The following SZT2 variants were observed in gnomAD, a reference collection of about 807,000 sequenced individuals.
The protein encoded by SZT2 is KICSTOR complex protein SZT2.
A neutral mutation model predicts 404.2 loss-of-function variants in SZT2; 216 were observed. The ratio of observed to expected loss-of-function variants is 0.53; its 90% CI spans 0.48 to 0.60. SZT2 has a LOEUF of 0.60. Ranked by LOEUF, SZT2 falls within the 20% of genes least tolerant of loss-of-function variation. SZT2 has a pLI of 0.00. For synonymous variants in SZT2, 1,693 were observed against 1,749.9 expected (o/e 0.97, Z 0.81); for missense variants, 3,857 against 4,459.2 (o/e 0.86, Z 3.85).
In SZT2 at chr1:43,424,857, AT is replaced by A; in HGVS notation, c.2547del (p.Gln850ArgfsTer81). 3 of 1,613,980 alleles carry A rather than the reference AT, an allele frequency of 1.9e-6. No individual in the cohort carries two copies. Among genetic ancestry groups the A allele is most frequent in the Non-Finnish European group, 1.7e-6 (2 of 1,179,892 alleles). The part of the protein sequence containing the change: ...GIINMVLELP[I>X]QNEPPGQAAA... ...CATCAACATGGTTCTGGAGCTTCCA[AT>A]TCAGGTACGTGCCATCCCCCATGAC... On this transcript the variant is annotated frameshift_variant, in exon 17 of 72. Coordinates refer to ENST00000634258, the MANE Select transcript of SZT2 (RefSeq NM_001365999.1). LOFTEE classifies it high-confidence loss of function. The surrounding 1 kb of genome is among the most constrained non-coding windows in gnomAD (Gnocchi z 4.1).
chr1:43,425,092 G>A lies in SZT2; in HGVS notation c.2551-21G>A. 6.2e-7 allele frequency: 1 copy of A among 1,613,952 alleles called. No homozygotes were observed. Among genetic ancestry groups the A allele is most frequent in the Non-Finnish European group, 8.5e-7 (1 of 1,179,826 alleles). The stretch of plus-strand genomic sequence containing the variant: ...TCTGCCTTGGCTGGGATTTGCCCAA[G>A]ATCTCCCATTTTGCCCACAGAATGA... On this transcript the variant is annotated intron_variant, in intron 17 of 71. Transcript: ENST00000634258. This position sits in a 1 kb window ranked among gnomAD's most constrained non-coding sequence, Gnocchi z 4.3.
chr1:43,425,880 G>C lies in SZT2; in HGVS notation c.2860G>C (p.Glu954Gln). The stretch of plus-strand genomic sequence containing the variant: ...CTGCATAGGCTCCATGCTGAGCTTT[G>C]AATACCTGATACAGCTGTGTCAGAG... Reference protein sequence around the residue: ...AACIGSMLSFEYLIQLCQSKE... With the variant: ...AACIGSMLSFQYLIQLCQSKE... The change falls in exon 20 of 72, where the codon GAA becomes CAA. Residue 954 changes from glutamate to glutamine, a missense_variant. By Grantham distance (29) the Glu-to-Gln change is conservative. Transcript: ENST00000634258. The surrounding 1 kb of genome is among the most constrained non-coding windows in gnomAD (Gnocchi z 4.3). 6.2e-7 allele frequency: 1 copy of C among 1,614,102 alleles called. No homozygotes were observed. Among genetic ancestry groups the C allele is most frequent in the East Asian group, 2.2e-5 (1 of 44,872 alleles).
Position 43,431,557 on chromosome 1 carries a change from C to T in SZT2, c.5088+34C>T, listed in dbSNP as rs758658737. The T allele has an allele frequency of 3.1e-6, 5 of 1,613,184 alleles. No individual in the cohort carries two copies. The South Asian group carries it at 3.3e-5, about 11-fold the overall frequency. ...CCCACCCCCAACACTGTAACTGATT[C>T]CCTTTCCATCGTATGAGTGAGATAA... On this transcript the variant is annotated intron_variant, in intron 35 of 71. Coordinates refer to ENST00000634258, the MANE Select transcript of SZT2 (RefSeq NM_001365999.1).
rs969584373 is a variant in SZT2 at position 43,452,921 on chromosome 1, G to T, written c.*2441G>T. 3 of 1,606,034 alleles carry T rather than the reference G, an allele frequency of 1.9e-6. No homozygotes were observed. The highest frequency in any genetic ancestry group is 2.7e-5 in the African/African-American group (2 of 74,764). On this transcript the variant is annotated 3_prime_UTR_variant, in exon 72 of 72. Coordinates refer to ENST00000634258, the MANE Select transcript of SZT2 (RefSeq NM_001365999.1). The stretch of plus-strand genomic sequence containing the variant: ...TACATACATGTCCAGCCTCAGGAAC[G>T]CTGCCAAATACACCAGGCCTCCTCT...
intron 14 of SZT2, 68 bp downstream of exon 14, chr1:43,422,951 C>G: frequency 6.6e-7 from 1 of 1,503,918 alleles, no homozygotes; most frequent in South Asian, 1.2e-5. Context: ...TCTCCCCAAA[C>G]CCCACAGGGC....
At chr1:43,411,795 T>G (rs1025795412) in intron 4 of SZT2, among the ~76,000 whole-genome samples, 1 of 146,626 alleles carries the variant, frequency 6.8e-6, no homozygotes, top group Non-Finnish European at 1.5e-5. Flanking sequence ...TTTTTTTTTT[T>G]TGAGACAGAG....
chr1:43,441,038 G>T lies in SZT2; in HGVS notation c.7345-176G>T, dbSNP rs567459382. Among the ~76,000 whole-genome samples the T allele has an allele frequency of 6.6e-6, 1 of 152,318 alleles. No individual in the cohort carries two copies. Among genetic ancestry groups the T allele is most frequent in the South Asian group, 2.1e-4 (1 of 4,826 alleles). On this transcript the variant is annotated intron_variant, in intron 52 of 71. Transcript: ENST00000634258. This position sits in a 1 kb window ranked among gnomAD's most constrained non-coding sequence, Gnocchi z 4.8. ...TAAGTAGAGCTTTTACAGTGAGGAAGGTGAGGCTCAGGAAAGTTAGGTAAC... is the reference window on the plus strand; with the variant it reads ...TAAGTAGAGCTTTTACAGTGAGGAATGTGAGGCTCAGGAAAGTTAGGTAAC...
chr1:43,423,854 T>TA (rs1328687943), intron 15 of SZT2, among the ~76,000 whole-genome samples: 27 of 82,982 alleles, frequency 3.3e-4, no homozygotes, highest in Middle Eastern at 0.013. Context: ...TATGAGTAGG[T>TA]CAGAGGTGTG....
At position 43,443,789 on chromosome 1, in the gene SZT2, G is replaced by T. The variant is rs199778444; in HGVS notation, c.8818G>T (p.Ala2940Ser). The change falls in exon 62 of 72, where the codon GCC becomes TCC. Residue 2940 changes from alanine (A) to serine (S), a missense_variant. By Grantham distance (99) the Ala-to-Ser change is moderately conservative. Transcript: ENST00000634258. ...VLVPLRPPSP[A>S]RSTSRPRAMA... ...GGTACCACTGCGGCCCCCCTCACCC[G>T]CCCGCAGGTGAGCCCGTCCCTGTTT... 6.2e-7 allele frequency: 1 copy of T among 1,613,208 alleles called. No individual in the cohort carries two copies. Among genetic ancestry groups the T allele is most frequent in the African/African-American group, 1.3e-5 (1 of 74,878 alleles).
At position 43,437,867 on chromosome 1, in the gene SZT2, A is replaced by G; in HGVS notation, c.6473A>G (p.His2158Arg). 1 of 1,614,150 alleles carries G rather than the reference A, an allele frequency of 6.2e-7. No homozygotes were observed. Among genetic ancestry groups the G allele is most frequent in the Non-Finnish European group, 8.5e-7 (1 of 1,180,018 alleles). Residue 2158 changes from histidine to arginine, a missense_variant, in exon 46 of 72, where the codon CAT becomes CGT. His to Arg is a conservative substitution (Grantham distance 29, BLOSUM62 0). Transcript: ENST00000634258. This position sits in a 1 kb window ranked among gnomAD's most constrained non-coding sequence, Gnocchi z 5.3. ...CGTCCTGTGGGCCAAGTGGACAGAC[A>G]TATCCAGCTGCTGGTCCATGGTGTT... ...AARPVGQVDR[H>R]IQLLVHGVGQ...
rs899169890 is a variant in SZT2 at position 43,422,066 on chromosome 1, G to A, written c.1627-17G>A. On this transcript the variant is annotated splice_polypyrimidine_tract_variant and intron_variant, in intron 11 of 71. Coordinates refer to ENST00000634258, the MANE Select transcript of SZT2 (RefSeq NM_001365999.1). Reference sequence around the variant, plus strand: ...CCTCTGCAAATGCTCCTATAGTGCTGTCCTTCCTGTCCTCAGGTGCTCTCC... The same window carrying A: ...CCTCTGCAAATGCTCCTATAGTGCTATCCTTCCTGTCCTCAGGTGCTCTCC... 7 of 1,589,980 alleles carry A rather than the reference G, an allele frequency of 4.4e-6. No homozygotes were observed. In the African/African-American group the frequency reaches 5.3e-5, roughly 12 times the overall value.
chr1:43,416,145 A>C, intron 6 of SZT2, 44 bp downstream of exon 6: 2 of 1,587,536 alleles, frequency 1.3e-6, no homozygotes, highest in Non-Finnish European at 1.7e-6. Flanking sequence ...GCAGGGATAC[A>C]GGAAGGGTGG....
rs1655251258 is a variant in SZT2, at chr1:43,443,085, A to T, written c.8418A>T (p.Arg2806Ser). The T allele has an allele frequency of 2.5e-6, 4 of 1,611,382 alleles. No individual in the cohort carries two copies. The highest frequency in any genetic ancestry group is 3.4e-6 in the Non-Finnish European group (4 of 1,178,156). Residue 2806 changes from arginine (R) to serine (S), a missense_variant and splice_region_variant, in exon 59 of 72, where the codon AGA (arginine) becomes AGT (serine). Physicochemically the swap from Arg to Ser is moderately radical, Grantham distance 110 (BLOSUM62 -1). Around this residue, in one of 7 missense-constraint regions of SZT2, gnomAD observed 717 missense variants for 868.2 expected, o/e 0.83. Transcript: ENST00000634258. ...QFLEIKMAER[R>S]ELERQMKMEN... is the part of the protein sequence containing the mutation. ...TAGAGATCAAGATGGCAGAGCGCAG[A>T]GGTGAGGGTACTGGGCCAGGCAGCA... is the stretch of plus-strand genomic sequence containing the variant.
At chr1:43,413,214 C>G (rs1651288387) in intron 4 of SZT2, among the ~76,000 whole-genome samples, 1 of 152,186 alleles carries the variant, frequency 6.6e-6, no homozygotes, top group Non-Finnish European at 1.5e-5. Context: ...GAAACCTTGT[C>G]TCTACTAAAA....
intron 6 of SZT2, 96 bp downstream of exon 6, chr1:43,416,197 G>A: frequency 6.9e-7 from 1 of 1,458,662 alleles, no homozygotes; most frequent in Non-Finnish European, 9.2e-7. Context: ...GGAATCAGTG[G>A]GCCCCAGGGA....
intron 41 of SZT2, among the ~76,000 whole-genome samples, chr1:43,434,908 A>G (rs1654304196): frequency 6.6e-6 from 1 of 152,254 alleles, no homozygotes; most frequent in South Asian, 2.1e-4. Context: ...GAAAGCATGT[A>G]ACAGGGATCT....
At chr1:43,404,660 T>C (rs1365415786) in intron 4 of SZT2, 110 bp downstream of exon 4, 3 of 1,195,430 alleles carry the variant, frequency 2.5e-6, no homozygotes, top group Admixed American at 2.2e-5. Context: ...CGAGCTCTGC[T>C]GGCTTCTTGA....
At chr1:43,431,612 A>AG in intron 35 of SZT2, 89 bp downstream of exon 35, 1 of 1,597,802 alleles carries the variant, frequency 6.3e-7, no homozygotes, top group Admixed American at 1.7e-5. Context: ...GATAGAAGTG[A>AG]GGCCTCTCTC....
intron 4 of SZT2, among the ~76,000 whole-genome samples, chr1:43,407,827 C>CTTTTTTTTTT: frequency 1.1e-5 from 1 of 94,466 alleles, no homozygotes; most frequent in Admixed American, 1.4e-4. Flanking sequence ...AAATTCTAAC[C>CTTTTTTTTTT]TTTTTTTTTT....
Sources: gnomAD v4.1 joint callset for allele counts (sites outside exome capture counted in the v4.1 genomes callset) on GRCh38, gnomAD v4.1.1 for gene constraint, gnomAD v4.1.1 regional missense constraint, Gnocchi (gnomAD v3.1) non-coding constraint, MANE v1.5 for transcripts, NCBI Gene and HGNC (gene_info 2026-07-23, HGNC 2026-07-21) for gene names.